Variants in ANKRD31 observed in about 807,000 individuals in gnomAD.
ANKRD31 encodes ankyrin repeat domain 31, also known as ankyrin repeat domain-containing protein 31.
ANKRD31 carries 147 observed loss-of-function variants against 186.0 expected under a neutral mutation model. That is an observed-to-expected ratio of 0.79 (90% CI 0.69 to 0.91). The LOEUF is 0.91. ANKRD31 is among the 40% of genes least tolerant of loss of function. The pLI, the probability that ANKRD31 is intolerant of heterozygous loss-of-function variation, is 0.00. For synonymous variants in ANKRD31, 673 were observed against 736.4 expected (o/e 0.91, Z 1.39); for missense variants, 1,986 against 2,148.8 (o/e 0.92, Z 1.50).
chr5:75,079,587 G>A (rs1471123575), intron 25 of ANKRD31, among the ~76,000 whole-genome samples: 6 of 151,884 alleles, frequency 4.0e-5, no homozygotes, highest in Non-Finnish European at 7.4e-5. Context: ...CAATTCTCCT[G>A]CCTCAACCTG....
chr5:75,169,318 A>G (rs557120031), intron 10 of ANKRD31, among the ~76,000 whole-genome samples, 197 bp from the exon 11 acceptor site: 9 of 152,254 alleles, frequency 5.9e-5, no homozygotes, highest in Admixed American at 5.9e-4. Context: ...TCAAACTCCT[A>G]CCCCTCAACT....
At chr5:75,180,415 C>T (rs1324884085) in intron 10 of ANKRD31, among the ~76,000 whole-genome samples, 3 of 152,040 alleles carry the variant, frequency 2.0e-5, no homozygotes, top group Non-Finnish European at 2.9e-5. Context: ...AAAAAGAGCC[C>T]GCATCGCCAA....
intron 2 of ANKRD31, among the ~76,000 whole-genome samples, chr5:75,224,339 G>A (rs1241627456): frequency 6.6e-6 from 1 of 151,238 alleles, no homozygotes; most frequent in Non-Finnish European, 1.5e-5. Context: ...TGAATGCTGT[G>A]GCCAATTACT....
At chr5:75,184,120 C>T (rs1180130354) in intron 10 of ANKRD31, among the ~76,000 whole-genome samples, 2 of 152,046 alleles carry the variant, frequency 1.3e-5, no homozygotes, top group African/African-American at 4.8e-5. Context: ...AACTGCTTTT[C>T]AACAAAGGTG....
intron 19 of ANKRD31, among the ~76,000 whole-genome samples, chr5:75,116,264 T>TG (rs1460847472): frequency 3.3e-5 from 2 of 61,088 alleles, no homozygotes; most frequent in African/African-American, 1.3e-4. Context: ...TGTTGTGGGG[T>TG]GGGGGGAGGG....
chr5:75,131,409 C>T (rs535082197), intron 17 of ANKRD31, among the ~76,000 whole-genome samples: 235 of 152,344 alleles, frequency 1.5e-3, no homozygotes, highest in Non-Finnish European at 2.7e-3. Context: ...GCCTCACTCA[C>T]TGCTAGCACA....
chr5:75,144,062 T>C lies in ANKRD31; in HGVS notation c.3534A>G (p.Glu1178=), dbSNP rs1751246904. 1 of 397,478 alleles carries C rather than the reference T, an allele frequency of 2.5e-6. No individual in the cohort carries two copies. Among genetic ancestry groups the C allele is most frequent in the Admixed American group, 4.4e-5 (1 of 22,670 alleles). 24.6% of individuals were successfully genotyped at this position (397,478 alleles called of 1,614,324 possible). A position where few individuals can be genotyped will look rare whatever the true frequency, so the allele number is the denominator to read the frequency against. The part of the protein sequence containing the change: ...SEIHMPTNSQ[E]HKTVQNFRKR... ...TTCTGAAATTCTGAACTGTTTTGTG[T>C]TCTTGGCTATTAGTAGGCATGTGAA... Residue 1178 remains glutamate, a synonymous_variant, in exon 15 of 26, where the codon GAA becomes GAG. Transcript: ENST00000506364.
intron 4 of ANKRD31, 136 bp downstream of exon 4, chr5:75,210,692 T>C (rs1194429247): frequency 2.3e-5 from 13 of 568,482 alleles, no homozygotes; most frequent in East Asian, 1.6e-4. Flanking sequence ...AAATAACATA[T>C]ACTTTTGCTA....
At chr5:75,145,822 A>C (rs1751393055) in intron 14 of ANKRD31, among the ~76,000 whole-genome samples, 165 bp downstream of exon 14, 1 of 152,122 alleles carries the variant, frequency 6.6e-6, no homozygotes, top group Non-Finnish European at 1.5e-5. Context: ...TTTCGAAGTA[A>C]TCACTGTTAC....
In ANKRD31 at chr5:75,112,544, T is replaced by G. The variant is rs1022072846; in HGVS notation, c.4212A>C (p.Leu1404Phe). Reference sequence around the variant, plus strand: ...CTTCAGGGTTTCTTATTTCAAACTCTAATAAATATTCTTGTTTTTCTTCTA... The same window carrying G: ...CTTCAGGGTTTCTTATTTCAAACTCGAATAAATATTCTTGTTTTTCTTCTA... ...QDIEEKQEYL[L>F]EFEIRNPEDA... Residue 1404 changes from leucine (L) to phenylalanine (F), a missense_variant, in exon 20 of 26, where the codon TTA becomes TTC. By Grantham distance (22) the Leu-to-Phe change is conservative (BLOSUM62 0). Coordinates refer to ENST00000506364, the MANE Select transcript of ANKRD31 (RefSeq NM_001372053.1). 3 of 1,522,204 alleles carry G rather than the reference T, an allele frequency of 2.0e-6. No homozygotes were observed. In the East Asian group the frequency reaches 7.4e-5, roughly 37 times the overall value. 94.3% of individuals were successfully genotyped at this position (1,522,204 alleles called of 1,614,324 possible).
chr5:75,109,501 G>A (rs1747594230), intron 20 of ANKRD31, among the ~76,000 whole-genome samples: 1 of 152,158 alleles, frequency 6.6e-6, no homozygotes, highest in Non-Finnish European at 1.5e-5. Flanking sequence ...GCAAGAGTAA[G>A]GGGTAAAGGG....
intron 25 of ANKRD31, among the ~76,000 whole-genome samples, chr5:75,078,123 T>C (rs1744808797): frequency 6.6e-6 from 1 of 151,626 alleles, no homozygotes; most frequent in Non-Finnish European, 1.5e-5. Context: ...GATACCAGAG[T>C]GAAAAAAATT....
chr5:75,110,684 G>T (rs543330988), intron 20 of ANKRD31, among the ~76,000 whole-genome samples: 1 of 148,150 alleles, frequency 6.7e-6, no homozygotes, highest in South Asian at 2.2e-4. Context: ...ACTCCAACCT[G>T]GTGACAGAGT....
Position 75,195,906 on chromosome 5 carries a change from G to A in ANKRD31, c.742C>T (p.Arg248Cys), listed in dbSNP as rs1448134576. ...CTCAATGGGTTCATCAATTCTTTAC[G>A]ATCAAAATCACTTACTAATTCAAAC... The part of the protein sequence containing the change: ...RLFELVSDFD[R>C]KELMNPLSDS... Residue 248 changes from arginine (R) to cysteine (C), a missense_variant, in exon 7 of 26, where the codon CGT becomes TGT. By Grantham distance (180) the Arg-to-Cys change is radical (BLOSUM62 -3). Coordinates refer to ENST00000506364, the MANE Select transcript of ANKRD31 (RefSeq NM_001372053.1). 15 of 1,536,374 alleles carry A rather than the reference G, an allele frequency of 9.8e-6. No homozygotes were observed. The highest frequency in any genetic ancestry group is 3.9e-5 in the Admixed American group (2 of 50,902).
At chr5:75,076,414 G>T (rs1744653819) in intron 25 of ANKRD31, among the ~76,000 whole-genome samples, 1 of 152,132 alleles carries the variant, frequency 6.6e-6, no homozygotes, top group African/African-American at 2.4e-5. Context: ...CCGGTTACTG[G>T]TTTATTATAG....
intron 11 of ANKRD31, among the ~76,000 whole-genome samples, chr5:75,162,474 G>A (rs573735707): frequency 4.6e-5 from 7 of 152,322 alleles, no homozygotes; most frequent in African/African-American, 1.7e-4. Context: ...CTTATAGGTG[G>A]AAGGGACTTG....
intron 10 of ANKRD31, among the ~76,000 whole-genome samples, chr5:75,175,164 G>A (rs187080024): frequency 3.4e-4 from 52 of 152,314 alleles, no homozygotes; most frequent in Admixed American, 1.9e-3. Flanking sequence ...TCACTCATAG[G>A]TGGGAATTGA....
At chr5:75,103,711 G>T (rs1747096800) in intron 22 of ANKRD31, among the ~76,000 whole-genome samples, 1 of 152,144 alleles carries the variant, frequency 6.6e-6, no homozygotes, top group Non-Finnish European at 1.5e-5. Flanking sequence ...GACATGAATG[G>T]AGCTGGAAGC....
intron 5 of ANKRD31, among the ~76,000 whole-genome samples, chr5:75,200,301 T>TTC (rs1221054347): frequency 4.6e-5 from 7 of 151,364 alleles, no homozygotes; most frequent in African/African-American, 1.7e-4. Context: ...TTCTTTCTTT[T>TTC]TTTTTTTTTT....
Sources: allele counts gnomAD v4.1 joint callset (sites outside exome capture counted in the v4.1 genomes callset), GRCh38; gene constraint gnomAD v4.1.1; transcripts MANE v1.5; gene names NCBI Gene and HGNC (gene_info 2026-07-23, HGNC 2026-07-21).